The following SASH1 variants were observed in gnomAD, a reference collection of about 807,000 sequenced individuals.
SASH1 encodes SAM and SH3 domain-containing protein 1.
In SASH1, 44 loss-of-function variants were observed where a neutral mutation model predicts 125.2. That is an observed-to-expected ratio of 0.35 (90% confidence interval 0.28 to 0.45). The LOEUF is 0.45. Ranked by LOEUF, SASH1 falls within the 20% of genes least tolerant of loss-of-function variation. The pLI is 1.00. For synonymous variants in SASH1, 639 were observed against 649.1 expected (o/e 0.98, Z 0.24); for missense variants, 1,426 against 1,614.5 (o/e 0.88, Z 2.00).
At chr6:148,199,802 GAA>G in the SASH1 span, among the ~76,000 whole-genome samples, 2 of 147,610 alleles carry the variant, frequency 1.4e-5, no homozygotes, top group South Asian at 2.1e-4. Flanking sequence ...GAGAGAGAGA[GAA>G]AGAAAAAGAG....
intron 1 of SASH1, among the ~76,000 whole-genome samples, chr6:148,349,590 A>G (rs1053637112): frequency 1.6e-4 from 25 of 152,094 alleles, no homozygotes; most frequent in African/African-American, 4.6e-4. Flanking sequence ...TTTGTAGGCG[A>G]TGGGGTGGCA....
chr6:148,328,607 T>C (rs942341646), intron 1 of SASH1, among the ~76,000 whole-genome samples: 6 of 149,398 alleles, frequency 4.0e-5, no homozygotes, highest in South Asian at 4.3e-4. Flanking sequence ...AAAAAAAAAA[T>C]AGTGGCAAGA....
the SASH1 span, among the ~76,000 whole-genome samples, chr6:148,264,820 C>T: frequency 1.3e-5 from 2 of 152,212 alleles, no homozygotes; most frequent in Non-Finnish European, 2.9e-5. Context: ...CATCTCGACC[C>T]CCTGTTGGCT....
intron 7 of SASH1, among the ~76,000 whole-genome samples, chr6:148,477,186 C>T (rs1253870974): frequency 6.6e-6 from 1 of 152,122 alleles, no homozygotes; most frequent in Non-Finnish European, 1.5e-5. Context: ...CCTAAAAGTA[C>T]AGGCAGCTAA....
chr6:148,305,605 C>G (rs1351687106), intron 1 of SASH1, among the ~76,000 whole-genome samples: 2 of 123,600 alleles, frequency 1.6e-5, no homozygotes, highest in African/African-American at 6.3e-5. Flanking sequence ...GCCTGGGCGA[C>G]AGAGCGAGAC....
intron 2 of SASH1, among the ~76,000 whole-genome samples, chr6:148,402,293 T>G (rs967411764): frequency 2.0e-5 from 3 of 152,066 alleles, no homozygotes; most frequent in Non-Finnish European, 4.4e-5. Flanking sequence ...TGCTGATAAT[T>G]ATCACAAAAA....
chr6:148,336,954 T>G (rs1394731744), intron 1 of SASH1, among the ~76,000 whole-genome samples: 2 of 152,228 alleles, frequency 1.3e-5, no homozygotes, highest in Admixed American at 6.5e-5. Flanking sequence ...TTTCGTATGT[T>G]GACATAATGA....
At chr6:148,301,858 A>G (rs910826682) in intron 1 of SASH1, among the ~76,000 whole-genome samples, 3 of 150,450 alleles carry the variant, frequency 2.0e-5, no homozygotes, top group Non-Finnish European at 3.0e-5. Flanking sequence ...CGGCCTCCCA[A>G]AGTGCTGGGA....
At chr6:148,339,858 T>C (rs1281043700), upstream of SASH1, among the ~76,000 whole-genome samples, 1 of 152,198 alleles carries the variant, frequency 6.6e-6, no homozygotes, top group African/African-American at 2.4e-5. Flanking sequence ...TTAATTACAC[T>C]GATGCGGGTA....
the SASH1 span, among the ~76,000 whole-genome samples, chr6:148,198,357 T>C: frequency 2.0e-5 from 3 of 152,260 alleles, no homozygotes; most frequent in Non-Finnish European, 4.4e-5. Context: ...GAAAATGGAC[T>C]AATATCCTGA....
At chr6:148,229,345 T>A in the SASH1 span, among the ~76,000 whole-genome samples, 11 of 152,122 alleles carry the variant, frequency 7.2e-5, no homozygotes, top group East Asian at 1.3e-3. Flanking sequence ...ATGTCTACCC[T>A]AATGCTGATG....
chr6:148,466,434 G>C (rs1221015163), intron 4 of SASH1, among the ~76,000 whole-genome samples: 2 of 152,218 alleles, frequency 1.3e-5, no homozygotes, highest in East Asian at 3.9e-4. Flanking sequence ...ACACCAAAGG[G>C]TGGTGGCTTA....
intron 10 of SASH1, 167 bp from the exon 11 acceptor site, chr6:148,525,124 C>A (rs919469066): frequency 4.9e-6 from 3 of 613,358 alleles, no homozygotes; most frequent in Non-Finnish European, 8.8e-6. Context: ...AGTTTCCTTA[C>A]GACATGACTC....
At chr6:148,473,233 G>A (rs746110399) in intron 6 of SASH1, among the ~76,000 whole-genome samples, 13 of 152,120 alleles carry the variant, frequency 8.5e-5, no homozygotes, top group Non-Finnish European at 1.9e-4. Context: ...TCTGTGATTT[G>A]CACTTAGCAT....
intron 2 of SASH1, among the ~76,000 whole-genome samples, chr6:148,416,920 C>T (rs1784843601): frequency 6.6e-6 from 1 of 152,276 alleles, no homozygotes; most frequent in Admixed American, 6.5e-5. Context: ...AAGACTCAGT[C>T]CTCCAGTAGG....
At chr6:148,265,367 G>A in the SASH1 span, among the ~76,000 whole-genome samples, 3 of 151,464 alleles carry the variant, frequency 2.0e-5, no homozygotes, top group African/African-American at 4.9e-5. Flanking sequence ...GAGGGACGGA[G>A]GGAGGGAGGG....
chr6:148,515,126 C>A (rs767268758), intron 9 of SASH1, among the ~76,000 whole-genome samples: 10 of 152,196 alleles, frequency 6.6e-5, no homozygotes, highest in South Asian at 6.2e-4. Context: ...ATTCATCTCT[C>A]TTGTTAGTAA....
intron 4 of SASH1, among the ~76,000 whole-genome samples, chr6:148,466,746 G>GTT (rs140881873): frequency 2.7e-5 from 4 of 149,482 alleles, no homozygotes; most frequent in Non-Finnish European, 4.5e-5. Context: ...CTTTTTAGAA[G>GTT]TTTTTTTTTT....
chr6:148,389,403 T>G (rs1783607662), intron 1 of SASH1, among the ~76,000 whole-genome samples: 1 of 152,190 alleles, frequency 6.6e-6, no homozygotes, highest in Non-Finnish European at 1.5e-5. Flanking sequence ...ACATGTTTAT[T>G]TATTTATGCA....
Sources: allele counts gnomAD v4.1 joint callset (sites outside exome capture counted in the v4.1 genomes callset), GRCh38; gene constraint gnomAD v4.1.1; transcripts MANE v1.5; gene names NCBI Gene and HGNC (gene_info 2026-07-23, HGNC 2026-07-21).